The following DAB1 variants were observed in gnomAD, a reference collection of about 807,000 sequenced individuals.
DAB1 encodes the protein disabled homolog 1.
Under a neutral mutation model 64.6 loss-of-function variants are expected in DAB1, and 15 were observed. The observed-to-expected ratio is 0.23, with a 90% confidence interval of 0.16 to 0.36. DAB1 has a LOEUF of 0.36. Among genes scored for constraint, DAB1 ranks in the 10% least tolerant of loss-of-function variants. The probability of loss-of-function intolerance (pLI) is 1.00; values close to 1 mark genes in which losing one functional copy is unlikely to be tolerated. For missense variants in DAB1, 596 were observed against 706.7 expected, an observed-to-expected ratio of 0.84 and a Z score of 1.78; for synonymous variants, 235 against 251.9, an observed-to-expected ratio of 0.93 and a Z score of 0.64.
chr1:57,412,049 G>A lies in DAB1; in HGVS notation c.-137+11881C>T, dbSNP rs142327562. On this transcript the variant is annotated intron_variant, in intron 1 of 14. Transcript: ENST00000371236. ...TGGTAATTCTCACAATGCTTCAAGC[G>A]TTTTCATTATTATTATACTTATTAT... Among the ~76,000 whole-genome samples, 67 of 152,228 alleles carry A rather than the reference G, an allele frequency of 4.4e-4. No individual in the cohort carries two copies. In the East Asian group the frequency reaches 0.01, roughly 23 times the overall value.
chr1:57,145,461 A>G (rs1465777580), intron 2 of DAB1, 32 bp from the exon 3 acceptor site: 1 of 1,613,074 alleles, frequency 6.2e-7, no homozygotes, highest in African/African-American at 1.3e-5. Flanking sequence ...TCAAATATGT[A>G]GCTGTGCAGA....
intron 5 of DAB1, among the ~76,000 whole-genome samples, chr1:57,987,078 T>C (rs1646237166): frequency 6.6e-6 from 1 of 152,198 alleles, no homozygotes; most frequent in African/African-American, 2.4e-5. Flanking sequence ...TTGCCTTTGT[T>C]GGATGGCTCT....
At chr1:57,867,275 T>C (rs56171994) in intron 1 of DAB1, 1 of 152,084 alleles carries the variant, frequency 6.6e-6, no homozygotes, top group Admixed American at 6.6e-5. Context: ...CCTCGCCTCT[T>C]AGGGAAATAT....
chr1:57,740,205 T>C (rs1162115379), intron 6 of DAB1, among the ~76,000 whole-genome samples: 1 of 152,050 alleles, frequency 6.6e-6, no homozygotes, highest in Admixed American at 6.5e-5. Context: ...CAGAGCAAGA[T>C]TCTGTCTCAA....
chr1:58,333,243 C>T (rs1034428390), intron 4 of DAB1, among the ~76,000 whole-genome samples: 13 of 152,160 alleles, frequency 8.5e-5, no homozygotes, highest in East Asian at 3.9e-4. Flanking sequence ...TTAGAGTGTG[C>T]GCCCACTCAT....
At position 58,133,604 on chromosome 1, in the gene DAB1, C is replaced by A. The variant is rs1653769988; in HGVS notation, n.387+16907G>T. ...TTCTTTCACTGATTCATTTATTTAG[C>A]AATTGATCAATAAGTTTATTGATCT... is the stretch of plus-strand genomic sequence containing the variant. On this transcript the variant is annotated intron_variant and non_coding_transcript_variant, in intron 5 of 20. Transcript: ENST00000485760. 2.6e-5 allele frequency among the ~76,000 whole-genome samples: 4 copies of A among 152,272 alleles called. No individual in the cohort carries two copies. The South Asian group carries it at 6.2e-4, about 24-fold the overall frequency.
At chr1:58,085,367 CTTTA>C (rs1389914238) in intron 5 of DAB1, among the ~76,000 whole-genome samples, 4 of 152,186 alleles carry the variant, frequency 2.6e-5, no homozygotes, top group African/African-American at 4.8e-5. Context: ...TTATGTATAA[CTTTA>C]TTTATTTATT....
At chr1:57,023,976 C>T (rs1192185340) in intron 10 of DAB1, among the ~76,000 whole-genome samples, 2 of 152,108 alleles carry the variant, frequency 1.3e-5, no homozygotes, top group African/African-American at 4.8e-5. Flanking sequence ...GGGGTGTTTT[C>T]AGGTATCAAA....
At chr1:57,516,614 A>G (rs1209842213) in intron 7 of DAB1, among the ~76,000 whole-genome samples, 1 of 152,140 alleles carries the variant, frequency 6.6e-6, no homozygotes, top group Admixed American at 6.5e-5. Context: ...ACGCCTGCCA[A>G]TTTCCTACAG....
At chr1:57,115,829 A>T (rs1232069447) in intron 4 of DAB1, among the ~76,000 whole-genome samples, 1 of 152,198 alleles carries the variant, frequency 6.6e-6, no homozygotes, top group Non-Finnish European at 1.5e-5. Flanking sequence ...ATTTTTCAAA[A>T]GAATAGAGTT....
intron 7 of DAB1, among the ~76,000 whole-genome samples, chr1:57,485,960 A>AG (rs1345530071): frequency 6.6e-6 from 1 of 152,094 alleles, no homozygotes; most frequent in Non-Finnish European, 1.5e-5. Context: ...TCAGTCCTTT[A>AG]GAGGATCTGC....
chr1:57,179,539 G>A (rs975592293), intron 2 of DAB1, among the ~76,000 whole-genome samples: 1 of 152,130 alleles, frequency 6.6e-6, no homozygotes, highest in African/African-American at 2.4e-5. Flanking sequence ...GATTTAAATG[G>A]CAGATCTCGT....
rs10671263 is a variant in DAB1, at chr1:57,323,047, A to ATTTTT, written c.-136-31886_-136-31882dup. Among the ~76,000 whole-genome samples the ATTTTT allele has an allele frequency of 6.4e-3, 972 of 151,676 alleles. 8 individuals carry two copies. The highest frequency in any genetic ancestry group is 0.021 in the African/African-American group (868 of 41,444). ...CTGTAGGTCTCAGGAGAGTTCTGAGATTTTTTTTTGCATTTCTAACTCCTT... is the reference window on the plus strand; with the variant it reads ...CTGTAGGTCTCAGGAGAGTTCTGAGATTTTTTTTTTTTTTGCATTTCTAACTCCTT... On this transcript the variant is annotated intron_variant, in intron 1 of 14. Coordinates refer to ENST00000371236, the MANE Select transcript of DAB1 (RefSeq NM_001365792.1).
intron 3 of DAB1, among the ~76,000 whole-genome samples, chr1:58,345,646 T>G (rs1643987994): frequency 6.6e-6 from 1 of 152,110 alleles, no homozygotes. Context: ...ATTTTCATTC[T>G]AATCAGCAGC....
chr1:58,541,634 A>AAAAAAC lies in DAB1; in HGVS notation n.32+5068_32+5069insGTTTTT, dbSNP rs1557461126. The AAAAAAC allele has an allele frequency of 5.2e-4, 77 of 148,856 alleles. 1 individual carries two copies. The highest frequency in any genetic ancestry group is 9.4e-4 in the Admixed American group (14 of 14,892). The allele number at this position is 148,856 out of a possible 1,614,324, so 9.2% of individuals were successfully genotyped here. On this transcript the variant is annotated intron_variant and non_coding_transcript_variant, in intron 1 of 20. Transcript: ENST00000485760. Reference sequence around the variant, plus strand: ...CCTGTCAAAAAAAAAAAAAAAAAAAAAAAAAAACCAAAAACAAAAAACAAA... The same window carrying AAAAAAC: ...CCTGTCAAAAAAAAAAAAAAAAAAAAAAAAACAAAAAAACCAAAAACAAAAAACAAA...
At chr1:57,744,598 A>G (rs1648173489) in intron 6 of DAB1, among the ~76,000 whole-genome samples, 1 of 152,180 alleles carries the variant, frequency 6.6e-6, no homozygotes, top group African/African-American at 2.4e-5. Flanking sequence ...GGAAGTGGAA[A>G]GAAAACTATG....
intron 10 of DAB1, among the ~76,000 whole-genome samples, chr1:57,025,146 G>C (rs1260761985): frequency 6.6e-6 from 1 of 152,244 alleles, no homozygotes; most frequent in Non-Finnish European, 1.5e-5. Context: ...GCGGCTGACT[G>C]CTCTCTGCCC....
At chr1:57,242,635 CTT>C (rs1668577166) in intron 2 of DAB1, among the ~76,000 whole-genome samples, 1 of 152,188 alleles carries the variant, frequency 6.6e-6, no homozygotes, top group Non-Finnish European at 1.5e-5. Flanking sequence ...TTGATAATAA[CTT>C]TACAATGTAT....
At chr1:57,236,384 G>A (rs184333034) in intron 2 of DAB1, among the ~76,000 whole-genome samples, 24 of 152,244 alleles carry the variant, frequency 1.6e-4, no homozygotes, top group East Asian at 1.9e-4. Flanking sequence ...CCTGAAAAGC[G>A]CTACAGGAGA....
Sources: allele counts gnomAD v4.1 joint callset (sites outside exome capture counted in the v4.1 genomes callset), GRCh38; gene constraint gnomAD v4.1.1; transcripts MANE v1.5; gene names NCBI Gene and HGNC (gene_info 2026-07-23, HGNC 2026-07-21).